The following NCKAP5 variants were observed in gnomAD, a reference collection of about 807,000 sequenced individuals.
The protein encoded by NCKAP5 is nck-associated protein 5.
A neutral mutation model predicts 167.0 loss-of-function variants in NCKAP5; 92 were observed. That is an observed-to-expected ratio of 0.55 (90% confidence interval 0.47 to 0.66). The LOEUF is 0.66. Among genes scored for constraint, NCKAP5 ranks in the 30% least tolerant of loss-of-function variants. The pLI is 0.00. For missense variants in NCKAP5, 2,378 were observed against 2,315.0 expected (o/e 1.03, Z -0.56); for synonymous variants, 891 against 877.4 (o/e 1.02, Z -0.27).
At chr2:133,541,508 A>G (rs894674319) in intron 2 of NCKAP5, among the ~76,000 whole-genome samples, 1 of 152,172 alleles carries the variant, frequency 6.6e-6, no homozygotes, top group African/African-American at 2.4e-5. Flanking sequence ...ATATGCTCAT[A>G]CAGCCTTTAG....
At chr2:133,118,109 A>C (rs1402880092) in intron 6 of NCKAP5, 2 of 148,948 alleles carry the variant, frequency 1.3e-5, no homozygotes, top group East Asian at 4.5e-4. Flanking sequence ...TGGCTGGCAG[A>C]GTTTTTCATC....
chr2:132,884,319 C>G (rs1414513426), intron 8 of NCKAP5, among the ~76,000 whole-genome samples: 1 of 152,202 alleles, frequency 6.6e-6, no homozygotes. Flanking sequence ...CTTCACCAAA[C>G]TAAACTGACT....
At chr2:133,308,802 C>G (rs183500609) in intron 3 of NCKAP5, among the ~76,000 whole-genome samples, 1,472 of 145,654 alleles carry the variant, frequency 0.01, 28 homozygotes, top group African/African-American at 0.034. Context: ...TCTCTGCTTC[C>G]CGGGTTCACG....
At chr2:133,145,220 C>T (rs996821194) in intron 5 of NCKAP5, among the ~76,000 whole-genome samples, 1 of 151,908 alleles carries the variant, frequency 6.6e-6, no homozygotes, top group African/African-American at 2.4e-5. Context: ...AAAAAAAAAT[C>T]TATCTCCCTC....
chr2:133,007,930 T>A (rs1404998849), intron 6 of NCKAP5, among the ~76,000 whole-genome samples: 1 of 152,216 alleles, frequency 6.6e-6, no homozygotes, highest in East Asian at 1.9e-4. Flanking sequence ...ACTAGTCACA[T>A]GGCCCAACTC....
the NCKAP5 span, among the ~76,000 whole-genome samples, chr2:133,616,789 C>A: frequency 6.6e-6 from 1 of 152,096 alleles, no homozygotes; most frequent in African/African-American, 2.4e-5. Flanking sequence ...GGAATCCTCC[C>A]TAACTCATTT....
chr2:133,165,100 C>T (rs2083946480), intron 5 of NCKAP5, among the ~76,000 whole-genome samples: 1 of 152,164 alleles, frequency 6.6e-6, no homozygotes, highest in Non-Finnish European at 1.5e-5. Context: ...AGGTGACTGC[C>T]ATCTGCAAGG....
chr2:133,151,464 C>T (rs1050779241), intron 5 of NCKAP5, among the ~76,000 whole-genome samples: 11 of 151,872 alleles, frequency 7.2e-5, no homozygotes, highest in Non-Finnish European at 1.2e-4. Flanking sequence ...AAAAAAACCG[C>T]GTTAAGAAGT....
the NCKAP5 span, among the ~76,000 whole-genome samples, chr2:133,668,521 G>A: frequency 3.9e-5 from 6 of 151,988 alleles, no homozygotes; most frequent in East Asian, 7.7e-4. Context: ...GTTTTTGCTT[G>A]TGTTTCCCTA....
At chr2:133,062,993 C>T (rs900982413) in intron 6 of NCKAP5, among the ~76,000 whole-genome samples, 12 of 152,156 alleles carry the variant, frequency 7.9e-5, no homozygotes, top group African/African-American at 2.7e-4. Context: ...ATCCTGGCTG[C>T]TCTTCTCTTC....
At chr2:133,432,120 T>C (rs16824773) in intron 3 of NCKAP5, among the ~76,000 whole-genome samples, 2,092 of 152,248 alleles carry the variant, frequency 0.014, 43 homozygotes, top group African/African-American at 0.047. Flanking sequence ...GTGTTGTCCT[T>C]TGTCACAGCA....
At chr2:133,340,685 A>T (rs1175641273) in intron 3 of NCKAP5, among the ~76,000 whole-genome samples, 2 of 152,198 alleles carry the variant, frequency 1.3e-5, no homozygotes, top group Admixed American at 1.3e-4. Flanking sequence ...TGATGCACCT[A>T]ACTTGGGTGG....
At chr2:133,187,332 A>G (rs891783453) in intron 5 of NCKAP5, among the ~76,000 whole-genome samples, 2 of 152,020 alleles carry the variant, frequency 1.3e-5, no homozygotes, top group Non-Finnish European at 1.5e-5. Context: ...TGCAATATAG[A>G]TTTTTAAAAA....
intron 2 of NCKAP5, among the ~76,000 whole-genome samples, chr2:133,523,390 T>C (rs935704536): frequency 9.2e-5 from 14 of 152,056 alleles, no homozygotes; most frequent in Admixed American, 2.6e-4. Flanking sequence ...AATTTCTGCC[T>C]TTCTGATTCT....
chr2:132,784,625 T>C lies in NCKAP5; in HGVS notation c.2186A>G (p.Tyr729Cys). 1 of 1,612,750 alleles carries C rather than the reference T, an allele frequency of 6.2e-7. No individual in the cohort carries two copies. Among genetic ancestry groups the C allele is most frequent in the Non-Finnish European group, 8.5e-7 (1 of 1,179,310 alleles). Residue 729 changes from tyrosine (Y) to cysteine (C), a missense_variant, in exon 14 of 20, where the codon TAT (tyrosine) becomes TGT (cysteine). Around this residue, in one of 3 missense-constraint regions of NCKAP5, gnomAD observed 1,049 missense variants for 1,023.4 expected, o/e 1.02. Transcript: ENST00000409261. ...CLQPRAAARD[Y>C]TFFKRSEEDT... ...CTCTTCAGACCTTTTAAAGAAAGTA[T>C]AGTCTCTTGCAGCAGCTCTTGGCTG...
At chr2:132,728,563 T>C (rs1334698478) in intron 18 of NCKAP5, among the ~76,000 whole-genome samples, 1 of 151,856 alleles carries the variant, frequency 6.6e-6, no homozygotes, top group Admixed American at 6.6e-5. Context: ...ATCAGGGGAG[T>C]GCATCCATAC....
At chr2:133,295,640 A>G (rs1277708667) in intron 4 of NCKAP5, among the ~76,000 whole-genome samples, 1 of 152,190 alleles carries the variant, frequency 6.6e-6, no homozygotes, top group Admixed American at 6.5e-5. Flanking sequence ...AATCCTTGAA[A>G]TATGCCCAGA....
At chr2:133,622,602 G>T in the NCKAP5 span, among the ~76,000 whole-genome samples, 1 of 152,002 alleles carries the variant, frequency 6.6e-6, no homozygotes, top group Non-Finnish European at 1.5e-5. Flanking sequence ...CTTAACCAAG[G>T]ATGTGAAAGA....
intron 3 of NCKAP5, among the ~76,000 whole-genome samples, chr2:133,514,325 G>GGCACACACACATGGACATGTATATGTGT (rs1683792629): frequency 1.3e-5 from 2 of 151,836 alleles, no homozygotes; most frequent in South Asian, 2.1e-4. Flanking sequence ...GTGTTACCAG[G>GGCACACACACATGGACATGTATATGTGT]GCACACACAC....
Sources: gnomAD v4.1 joint callset for allele counts (sites outside exome capture counted in the v4.1 genomes callset) on GRCh38, gnomAD v4.1.1 for gene constraint, gnomAD v4.1.1 regional missense constraint, MANE v1.5 for transcripts, NCBI Gene and HGNC (gene_info 2026-07-23, HGNC 2026-07-21) for gene names.